MOBP: variants seen among roughly 807,000 people sequenced by gnomAD.
MOBP encodes myelin-associated oligodendrocyte basic protein.
MOBP carries 5 observed loss-of-function variants against 15.0 expected under a neutral mutation model. That is an observed-to-expected ratio of 0.33 (90% confidence interval 0.17 to 0.70). MOBP has a LOEUF of 0.70. Ranked by LOEUF, MOBP falls within the 30% of genes least tolerant of loss-of-function variation. The probability of loss-of-function intolerance (pLI) is 0.67; values close to 1 mark genes in which losing one functional copy is unlikely to be tolerated. For synonymous variants in MOBP, 88 were observed against 99.0 expected (o/e 0.89, Z 0.66); for missense variants, 188 against 257.8 (o/e 0.73, Z 1.85).
intron 2 of MOBP, among the ~76,000 whole-genome samples, chr3:39,481,145 C>T (rs1452038880): frequency 6.6e-6 from 1 of 152,216 alleles, no homozygotes; most frequent in East Asian, 1.9e-4. Flanking sequence ...TCCTCTATGT[C>T]TACACCCAGG....
intron 1 of MOBP, among the ~76,000 whole-genome samples, chr3:39,477,428 ATCTG>A (rs2042559079): frequency 6.6e-6 from 1 of 151,768 alleles, no homozygotes; most frequent in South Asian, 2.1e-4. Context: ...CACATTACTC[ATCTG>A]TTTGTGGTAA....
At chr3:39,486,530 A>C (rs1032915822) in intron 2 of MOBP, among the ~76,000 whole-genome samples, 1 of 152,154 alleles carries the variant, frequency 6.6e-6, no homozygotes, top group African/African-American at 2.4e-5. Flanking sequence ...ATGGAAGTTC[A>C]TACTATACTT....
At chr3:39,519,383 T>G (rs2043239055), downstream of MOBP, among the ~76,000 whole-genome samples, 1 of 152,208 alleles carries the variant, frequency 6.6e-6, no homozygotes, top group Admixed American at 6.5e-5. Context: ...TTTGCATTTA[T>G]TTTCAACTAG....
chr3:39,470,045 C>A (rs968260591), intron 1 of MOBP, among the ~76,000 whole-genome samples: 2 of 152,124 alleles, frequency 1.3e-5, no homozygotes, highest in African/African-American at 4.8e-5. Context: ...TATAATAATT[C>A]CTTTCTAAGT....
At position 39,469,230 on chromosome 3, in the gene MOBP, ATATG is replaced by A. The variant is rs1223437012; in HGVS notation, c.-89+1492_-89+1495del. On this transcript the variant is annotated intron_variant, in intron 1 of 3. Transcript: ENST00000684792. ...CATGTGTGTGTATATACATATATAC[ATATG>A]TGTGTGTATATATACATATATGTGT... is the stretch of plus-strand genomic sequence containing the variant. Among the ~76,000 whole-genome samples the A allele has an allele frequency of 1.2e-4, 15 of 122,118 alleles. 1 individual carries two copies. Among genetic ancestry groups the A allele is most frequent in the Non-Finnish European group, 1.6e-4 (10 of 60,654 alleles). The allele number at this position is 122,118 out of a possible 152,430, so 80.1% of individuals were successfully genotyped here. A position where few individuals can be genotyped will look rare whatever the true frequency, so the allele number is the denominator to read the frequency against.
In MOBP at chr3:39,513,316, GAGAA is replaced by G. The variant is rs1252797181; in HGVS notation, c.*-63_*-60del. 2.1e-6 allele frequency: 3 copies of G among 1,397,604 alleles called. No individual in the cohort carries two copies. In the African/African-American group the frequency reaches 4.3e-5, roughly 20 times the overall value. 86.6% of individuals were successfully genotyped at this position (1,397,604 alleles called of 1,614,324 possible). On this transcript the variant is annotated intron_variant, in intron 4 of 4. Transcript: ENST00000311042. ...TCCACAATTATACTAACTGAACACA[GAGAA>G]AGAGAGAGAGTATACATCACCTACC... is the stretch of plus-strand genomic sequence containing the variant.
At chr3:39,478,302 G>T (rs1285722114) in intron 1 of MOBP, among the ~76,000 whole-genome samples, 1 of 152,160 alleles carries the variant, frequency 6.6e-6, no homozygotes, top group African/African-American at 2.4e-5. Flanking sequence ...TTGTGTTACA[G>T]TTGCCTACAG....
chr3:39,483,218 C>G (rs1170946649), intron 2 of MOBP, among the ~76,000 whole-genome samples: 1 of 152,120 alleles, frequency 6.6e-6, no homozygotes, highest in African/African-American at 2.4e-5. Flanking sequence ...TCAGTGACTG[C>G]TTTTTTGAAT....
chr3:39,521,130 A>C (rs2043261259), intron 3 of MOBP, among the ~76,000 whole-genome samples: 1 of 152,000 alleles, frequency 6.6e-6, no homozygotes, highest in African/African-American at 2.4e-5. Context: ...TTGTATTTTT[A>C]GTAGAGACAG....
Position 39,502,528 on chromosome 3 carries a change from C to G in MOBP, c.207-7C>G. ...CTCCCGCCTCCAGCTTCTTTTGGCC[C>G]TCTCAGAACCAGCCGCCGTGCCAAG... is the stretch of plus-strand genomic sequence containing the variant. On this transcript the variant is annotated splice_polypyrimidine_tract_variant and splice_region_variant and intron_variant, in intron 3 of 3. Transcript: ENST00000684792. This position sits in a 1 kb window ranked among gnomAD's most constrained non-coding sequence, Gnocchi z 6.3. 6.4e-7 allele frequency: 1 copy of G among 1,574,128 alleles called. No homozygotes were observed. The highest frequency in any genetic ancestry group is 1.1e-5 in the South Asian group (1 of 87,072).
intron 1 of MOBP, among the ~76,000 whole-genome samples, chr3:39,471,926 T>C (rs1023363074): frequency 6.6e-6 from 1 of 152,216 alleles, no homozygotes; most frequent in African/African-American, 2.4e-5. Flanking sequence ...CTCCACACAA[T>C]GTTTGCACGC....
At chr3:39,492,262 A>T (rs2042807548) in intron 2 of MOBP, among the ~76,000 whole-genome samples, 1 of 152,168 alleles carries the variant, frequency 6.6e-6, no homozygotes, top group African/African-American at 2.4e-5. Context: ...GTGAGACCAG[A>T]TGAGGTACCC....
At chr3:39,521,316 A>G (rs1360291254) in intron 3 of MOBP, among the ~76,000 whole-genome samples, 1 of 152,218 alleles carries the variant, frequency 6.6e-6, no homozygotes, top group Non-Finnish European at 1.5e-5. Flanking sequence ...ACAATGTTAT[A>G]TAGTGACTTT....
At chr3:39,492,092 G>A (rs2042804321) in intron 2 of MOBP, among the ~76,000 whole-genome samples, 1 of 152,172 alleles carries the variant, frequency 6.6e-6, no homozygotes, top group African/African-American at 2.4e-5. Flanking sequence ...TTCCCTACTC[G>A]TAATGCATGG....
At chr3:39,494,782 G>GCCCCCCCCCCCCCC (rs142834446) in intron 2 of MOBP, among the ~76,000 whole-genome samples, 4 of 85,934 alleles carry the variant, frequency 4.7e-5, no homozygotes, top group African/African-American at 1.4e-4. Flanking sequence ...TATTTTCAAA[G>GCCCCCCCCCCCCCC]CCCCCCCCCG....
intron 2 of MOBP, among the ~76,000 whole-genome samples, chr3:39,482,643 C>T (rs577182645): frequency 0.012 from 1,591 of 128,644 alleles, 17 homozygotes; most frequent in Non-Finnish European, 0.017. Context: ...CAGAGCGACA[C>T]TCTGTCTCAA....
chr3:39,493,364 G>T (rs1304263326), intron 2 of MOBP, among the ~76,000 whole-genome samples: 1 of 152,006 alleles, frequency 6.6e-6, no homozygotes, highest in East Asian at 1.9e-4. Flanking sequence ...ATTAGAAAAA[G>T]ATATATTGTG....
In MOBP at chr3:39,502,835, C is replaced by T. The variant is rs760417554; in HGVS notation, c.507C>T (p.Gly169=). The part of the protein sequence containing the change: ...QPRSSPLRGP[G]ASRGGSPVKA... ...GCAGCAGCCCCCTCAGAGGGCCAGG[C>T]GCCAGCCGTGGGGGGTCCCCCGTCA... Residue 169 remains glycine (G), a synonymous_variant, in exon 4 of 4, where the codon GGC becomes GGT. Coordinates refer to ENST00000684792, the MANE Select transcript of MOBP (RefSeq NM_001393704.1). The surrounding 1 kb of genome is among the most constrained non-coding windows in gnomAD (Gnocchi z 6.3). 62 of 1,510,392 alleles carry T rather than the reference C, an allele frequency of 4.1e-5. No homozygotes were observed. The East Asian group carries it at 1.4e-3, about 35-fold the overall frequency. 93.6% of individuals were successfully genotyped at this position (1,510,392 alleles called of 1,614,324 possible).
chr3:39,497,461 T>C (rs2042903436), intron 2 of MOBP, among the ~76,000 whole-genome samples: 1 of 152,344 alleles, frequency 6.6e-6, no homozygotes. Flanking sequence ...GCCCAGCACC[T>C]GGACTCCTAT....
Sources: allele counts gnomAD v4.1 joint callset (sites outside exome capture counted in the v4.1 genomes callset), GRCh38; gene constraint gnomAD v4.1.1; non-coding constraint Gnocchi (gnomAD v3.1); transcripts MANE v1.5; gene names NCBI Gene and HGNC (gene_info 2026-07-23, HGNC 2026-07-21).